Variants in MPP7 observed in about 807,000 individuals in gnomAD.
MPP7 encodes the protein MAGUK p55 scaffold protein 7, also known as MAGUK p55 subfamily member 7.
In MPP7, 60 loss-of-function variants were observed where a neutral mutation model predicts 76.5. The ratio of observed to expected loss-of-function variants is 0.78; its 90% CI spans 0.64 to 0.97. The LOEUF (loss-of-function observed/expected upper bound fraction) is 0.97. Ranked by LOEUF, MPP7 falls within the 50% of genes least tolerant of loss-of-function variation. MPP7 has a pLI of 0.00. For synonymous variants in MPP7, 237 were observed against 244.5 expected (o/e 0.97, Z 0.29); for missense variants, 641 against 694.0 (o/e 0.92, Z 0.86).
At chr10:28,255,880 T>C (rs1234734201) in intron 1 of MPP7, among the ~76,000 whole-genome samples, 1 of 152,126 alleles carries the variant, frequency 6.6e-6, no homozygotes, top group Non-Finnish European at 1.5e-5. Flanking sequence ...TCCTAAAAAG[T>C]TTGTAGAGAG....
chr10:28,174,137 C>A (rs1836779359), intron 3 of MPP7, among the ~76,000 whole-genome samples: 1 of 152,150 alleles, frequency 6.6e-6, no homozygotes, highest in African/African-American at 2.4e-5. Flanking sequence ...CCCACCATAC[C>A]AAGGGCTAGC....
chr10:28,087,034 T>C (rs1196159676), intron 12 of MPP7, among the ~76,000 whole-genome samples: 2 of 152,172 alleles, frequency 1.3e-5, no homozygotes, highest in African/African-American at 4.8e-5. Flanking sequence ...ATCCCAGCAT[T>C]GGAAGTGGGG....
intron 1 of MPP7, among the ~76,000 whole-genome samples, chr10:28,265,373 A>G (rs1483244063): frequency 6.6e-6 from 1 of 152,132 alleles, no homozygotes; most frequent in Admixed American, 6.6e-5. Flanking sequence ...AGCCTGGGGA[A>G]CTTGGCGAAA....
intron 12 of MPP7, among the ~76,000 whole-genome samples, chr10:28,076,680 G>A (rs1852499013): frequency 6.6e-6 from 1 of 152,126 alleles, no homozygotes; most frequent in African/African-American, 2.4e-5. Context: ...CTGAGGTCAG[G>A]AGTTTGAGAC....
At chr10:28,144,746 C>T (rs1835649472) in intron 5 of MPP7, among the ~76,000 whole-genome samples, 1 of 152,110 alleles carries the variant, frequency 6.6e-6, no homozygotes, top group African/African-American at 2.4e-5. Flanking sequence ...TCTCCCCCTG[C>T]CCAAGTTTGG....
intron 1 of MPP7, among the ~76,000 whole-genome samples, chr10:28,290,778 C>A (rs1302548923): frequency 6.6e-6 from 1 of 152,130 alleles, no homozygotes; most frequent in African/African-American, 2.4e-5. Flanking sequence ...CGGCCCCAAT[C>A]AGTTTTCTTA....
intron 2 of MPP7, among the ~76,000 whole-genome samples, chr10:28,314,466 G>C: frequency 6.6e-6 from 1 of 152,182 alleles, no homozygotes; most frequent in Non-Finnish European, 1.5e-5. Context: ...TCCTGGAGTG[G>C]GCTTGATGAA....
intron 3 of MPP7, among the ~76,000 whole-genome samples, chr10:28,190,939 G>T (rs974759102): frequency 2.0e-5 from 3 of 152,082 alleles, no homozygotes; most frequent in African/African-American, 7.2e-5. Context: ...TATCAGAAAT[G>T]AAAGAGGAGT....
At chr10:28,329,947 T>C (rs544856324) in exon 2 of MPP7, 1 of 152,324 alleles carries the variant, frequency 6.6e-6, no homozygotes, top group East Asian at 1.9e-4. Context: ...CTTCTCTTTA[T>C]TGTGAGTTTT....
At chr10:28,146,499 T>A (rs1295378885) in intron 5 of MPP7, among the ~76,000 whole-genome samples, 1 of 151,772 alleles carries the variant, frequency 6.6e-6, no homozygotes, top group Non-Finnish European at 1.5e-5. Context: ...CCTCCCAGGT[T>A]CATGCCATTC....
rs553332532 is a variant in MPP7 at position 28,199,873 on chromosome 10, C to A, written c.156+2280G>T. Among the ~76,000 whole-genome samples, 4 of 121,398 alleles carry A rather than the reference C, an allele frequency of 3.3e-5. No homozygotes were observed. The South Asian group carries it at 1.2e-3, about 36-fold the overall frequency. 79.6% of individuals were successfully genotyped at this position (121,398 alleles called of 152,430 possible). On this transcript the variant is annotated intron_variant, in intron 3 of 16. Transcript: ENST00000683449. The stretch of plus-strand genomic sequence containing the variant: ...CAGGTGTGAACCACTGCACTCAGCC[C>A]ATTTAAACACACACACACACACACA...
intron 15 of MPP7, chr10:28,057,881 G>A (rs1471598669): frequency 2.5e-6 from 3 of 1,209,900 alleles, no homozygotes; most frequent in Middle Eastern, 2.8e-4. Context: ...GTGGGCTGGG[G>A]ATCTGCTGGA....
chr10:28,151,771 G>A (rs1336197205), intron 3 of MPP7, among the ~76,000 whole-genome samples: 1 of 152,232 alleles, frequency 6.6e-6, no homozygotes, highest in Non-Finnish European at 1.5e-5. Flanking sequence ...GCAGAGCTGA[G>A]ATTTCAAGCT....
chr10:28,289,688 A>G (rs1840867872), intron 1 of MPP7, among the ~76,000 whole-genome samples: 2 of 152,180 alleles, frequency 1.3e-5, no homozygotes, highest in Non-Finnish European at 2.9e-5. Context: ...ATCCACCCGA[A>G]CCCACTCTGG....
intron 1 of MPP7, among the ~76,000 whole-genome samples, chr10:28,300,290 T>C (rs1458709295): frequency 4.6e-5 from 7 of 152,072 alleles, no homozygotes; most frequent in Admixed American, 2.6e-4. Flanking sequence ...CTGAAAACCA[T>C]TGGGGGAGGG....
chr10:28,092,576 C>T (rs941251647), intron 11 of MPP7, among the ~76,000 whole-genome samples: 3 of 101,600 alleles, frequency 3.0e-5, no homozygotes, highest in African/African-American at 1.3e-4. Flanking sequence ...AGAAAAGGGA[C>T]CTTTTTTTTT....
intron 12 of MPP7, among the ~76,000 whole-genome samples, chr10:28,084,831 G>A (rs1852926778): frequency 6.6e-6 from 1 of 152,122 alleles, no homozygotes; most frequent in African/African-American, 2.4e-5. Flanking sequence ...TAAGGAGCAG[G>A]GCAGTGAAAT....
chr10:28,239,953 G>GA (rs1839211265), intron 1 of MPP7, among the ~76,000 whole-genome samples: 1 of 151,240 alleles, frequency 6.6e-6, no homozygotes, highest in Non-Finnish European at 1.5e-5. Context: ...GGTTGTTAGG[G>GA]TTTTTTTTTA....
At chr10:28,235,536 T>G (rs1271167720) in intron 2 of MPP7, among the ~76,000 whole-genome samples, 1 of 152,164 alleles carries the variant, frequency 6.6e-6, no homozygotes, top group African/African-American at 2.4e-5. Context: ...AAGGACAGAC[T>G]ATTGAATAAG....
Sources: gnomAD v4.1 joint callset for allele counts (sites outside exome capture counted in the v4.1 genomes callset) on GRCh38, gnomAD v4.1.1 for gene constraint, MANE v1.5 for transcripts, NCBI Gene and HGNC (gene_info 2026-07-23, HGNC 2026-07-21) for gene names.